Variants in SLC2A9 observed in about 807,000 individuals in gnomAD.
SLC2A9 encodes solute carrier family 2 member 9.
SLC2A9 carries 39 observed loss-of-function variants against 50.6 expected under a neutral mutation model. The ratio of observed to expected loss-of-function variants is 0.77; its 90% CI spans 0.60 to 1.01. The LOEUF (loss-of-function observed/expected upper bound fraction) is 1.01. Ranked by LOEUF, SLC2A9 falls within the 50% of genes least tolerant of loss-of-function variation. The pLI, the probability that SLC2A9 is intolerant of heterozygous loss-of-function variation, is 0.00. For missense variants in SLC2A9, 686 were observed against 677.6 expected (o/e 1.01, Z -0.14); for synonymous variants, 324 against 276.9 (o/e 1.17, Z -1.69).
intron 1 of SLC2A9, chr4:9,771,511 A>G (rs1382263214): frequency 2.5e-6 from 1 of 398,674 alleles, no homozygotes; most frequent in Non-Finnish European, 4.4e-6. Context: ...GGAAGCATAG[A>G]GAGTGCACAG....
chr4:9,916,869 C>T (rs1413317096), intron 7 of SLC2A9, among the ~76,000 whole-genome samples: 1 of 152,242 alleles, frequency 6.6e-6, no homozygotes, highest in Non-Finnish European at 1.5e-5. Context: ...CCTGCCCTCA[C>T]CTCCTTTTCT....
intron 4 of SLC2A9, among the ~76,000 whole-genome samples, chr4:9,982,950 C>A (rs969715776): frequency 1.2e-4 from 19 of 152,148 alleles, no homozygotes; most frequent in South Asian, 4.1e-4. Context: ...CTCACCGCAA[C>A]CTCCATCTCC....
intron 5 of SLC2A9, among the ~76,000 whole-genome samples, chr4:9,958,134 T>C (rs1183798828): frequency 1.3e-5 from 2 of 152,214 alleles, no homozygotes; most frequent in African/African-American, 4.8e-5. Flanking sequence ...TTCAAAATTC[T>C]GAGGAAAATT....
At chr4:9,961,461 C>A (rs1752257055) in intron 5 of SLC2A9, among the ~76,000 whole-genome samples, 1 of 152,198 alleles carries the variant, frequency 6.6e-6, no homozygotes, top group African/African-American at 2.4e-5. Context: ...GGAAAGGATT[C>A]TGTATTTAAT....
chr4:10,008,290 T>C (rs1464056881), intron 2 of SLC2A9, among the ~76,000 whole-genome samples: 7 of 152,170 alleles, frequency 4.6e-5, no homozygotes, highest in Non-Finnish European at 1.0e-4. Context: ...CAGGGCATGG[T>C]GCGGGGGGAG....
At chr4:9,987,574 A>T (rs1415845067) in intron 3 of SLC2A9, among the ~76,000 whole-genome samples, 3 of 152,214 alleles carry the variant, frequency 2.0e-5, no homozygotes, top group Non-Finnish European at 2.9e-5. Flanking sequence ...TGCCCAATAG[A>T]GCCCCAGTGG....
At chr4:10,011,184 A>G (rs1761707042) in intron 2 of SLC2A9, among the ~76,000 whole-genome samples, 1 of 152,210 alleles carries the variant, frequency 6.6e-6, no homozygotes, top group Non-Finnish European at 1.5e-5. Flanking sequence ...CATTGCTTCC[A>G]GAATCTTCCT....
chr4:9,866,289 T>C (rs1182018625), intron 10 of SLC2A9, among the ~76,000 whole-genome samples: 1 of 152,070 alleles, frequency 6.6e-6, no homozygotes, highest in Non-Finnish European at 1.5e-5. Context: ...CTCCCCTCTG[T>C]TGAGAACACT....
chr4:9,778,483 C>G (rs534884035), downstream of SLC2A9, among the ~76,000 whole-genome samples: 1 of 152,096 alleles, frequency 6.6e-6, no homozygotes, highest in South Asian at 2.1e-4. Flanking sequence ...TTCCCTTTTA[C>G]TCTCCTATCC....
intron 3 of SLC2A9, chr4:9,783,459 A>G (rs755432095): frequency 1.6e-5 from 26 of 1,598,360 alleles, no homozygotes; most frequent in Non-Finnish European, 2.2e-5. Flanking sequence ...AATGGATTCC[A>G]TTAAACTGCA....
intron 8 of SLC2A9, among the ~76,000 whole-genome samples, chr4:9,900,606 A>G (rs4235344): frequency 0.88 from 133,932 of 151,992 alleles, 60,068 homozygotes; most frequent in Non-Finnish European, 0.96. Context: ...CCATGAGGAT[A>G]ACCTGTCATA....
At chr4:9,924,329 G>A (rs950152021) in intron 6 of SLC2A9, among the ~76,000 whole-genome samples, 2 of 152,132 alleles carry the variant, frequency 1.3e-5, no homozygotes, top group African/African-American at 4.8e-5. Context: ...GCTTTCCCTG[G>A]GCACAGGTGT....
At chr4:9,818,278 T>A (rs1228129916) in intron 3 of SLC2A9, among the ~76,000 whole-genome samples, 1 of 152,228 alleles carries the variant, frequency 6.6e-6, no homozygotes, top group Non-Finnish European at 1.5e-5. Flanking sequence ...CCCTTTTTAC[T>A]CACTCCTCCC....
At chr4:9,817,050 C>T (rs189797676) in intron 3 of SLC2A9, among the ~76,000 whole-genome samples, 1 of 152,276 alleles carries the variant, frequency 6.6e-6, no homozygotes, top group African/African-American at 2.4e-5. Context: ...GCCAGCAGTG[C>T]AGCATCTTCA....
downstream of SLC2A9, among the ~76,000 whole-genome samples, chr4:9,779,380 G>A (rs1434790728): frequency 6.6e-6 from 1 of 150,900 alleles, no homozygotes; most frequent in South Asian, 2.1e-4. Flanking sequence ...TATTTCTTTG[G>A]ATTATTCCTG....
intron 2 of SLC2A9, among the ~76,000 whole-genome samples, chr4:10,015,764 G>A (rs921537504): frequency 2.0e-5 from 3 of 152,220 alleles, no homozygotes; most frequent in African/African-American, 4.8e-5. Context: ...GGATTTCCAG[G>A]TTGGAGAAGT....
intron 2 of SLC2A9, among the ~76,000 whole-genome samples, chr4:10,017,087 C>G (rs1240555728): frequency 6.6e-6 from 1 of 152,228 alleles, no homozygotes; most frequent in Non-Finnish European, 1.5e-5. Flanking sequence ...TCCCTCATGA[C>G]TCAGCTCAAA....
chr4:9,904,396 C>T (rs1272164127), intron 8 of SLC2A9, among the ~76,000 whole-genome samples: 3 of 152,172 alleles, frequency 2.0e-5, no homozygotes, highest in Non-Finnish European at 2.9e-5. Flanking sequence ...TCACTCCTGC[C>T]TCTGCTTCCA....
At chr4:9,964,735 C>T (rs1011228719) in intron 5 of SLC2A9, among the ~76,000 whole-genome samples, 1 of 152,196 alleles carries the variant, frequency 6.6e-6, no homozygotes, top group Admixed American at 6.5e-5. Flanking sequence ...TGCTTTCAAA[C>T]ACTTAGGGTC....
Sources: allele counts gnomAD v4.1 joint callset (sites outside exome capture counted in the v4.1 genomes callset), GRCh38; gene constraint gnomAD v4.1.1; transcripts MANE v1.5; gene names NCBI Gene and HGNC (gene_info 2026-07-23, HGNC 2026-07-21).